Variants in CNTNAP1 observed in about 807,000 individuals in gnomAD.
CNTNAP1 encodes contactin associated protein 1, also known as contactin-associated protein 1.
CNTNAP1 carries 80 observed loss-of-function variants against 161.5 expected under a neutral mutation model. The ratio of observed to expected loss-of-function variants is 0.50; its 90% CI spans 0.41 to 0.60. The LOEUF (loss-of-function observed/expected upper bound fraction) is 0.60. CNTNAP1 is among the 20% of genes least tolerant of loss of function. The probability of loss-of-function intolerance (pLI) is 0.00; values close to 1 mark genes in which losing one functional copy is unlikely to be tolerated. For synonymous variants in CNTNAP1, 695 were observed against 733.1 expected (o/e 0.95, Z 0.84); for missense variants, 1,464 against 1,854.8 (o/e 0.79, Z 3.87).
intron 1 of CNTNAP1, chr17:42,683,416 G>T: frequency 9.1e-7 from 1 of 1,094,312 alleles, no homozygotes; most frequent in Non-Finnish European, 1.1e-6. Flanking sequence ...TGCAAGGCCT[G>T]TATTTGGGGA....
At chr17:42,695,092 A>T (rs2053135323) in intron 18 of CNTNAP1, among the ~76,000 whole-genome samples, 1 of 152,116 alleles carries the variant, frequency 6.6e-6, no homozygotes, top group African/African-American at 2.4e-5. Context: ...GATTACAGGC[A>T]TGCACTACCA....
intron 17 of CNTNAP1, 31 bp from the exon 18 acceptor site, chr17:42,693,266 C>T (rs199661001): frequency 2.3e-5 from 37 of 1,610,650 alleles, no homozygotes; most frequent in Admixed American, 5.0e-5. Flanking sequence ...GCCCTGCCTC[C>T]ATTTCTTGAC....
In CNTNAP1 at chr17:42,684,977, C is replaced by T; in HGVS notation, c.364-14C>T. Reference sequence around the variant, plus strand: ...AGGGCAGGACGTGGTTACTACTCTCCTCCACCCCCGCAGACCTTCTTTGGT... The same window carrying T: ...AGGGCAGGACGTGGTTACTACTCTCTTCCACCCCCGCAGACCTTCTTTGGT... On this transcript the variant is annotated splice_polypyrimidine_tract_variant and intron_variant, in intron 3 of 23. Coordinates refer to ENST00000264638, the MANE Select transcript of CNTNAP1 (RefSeq NM_003632.3). The T allele has an allele frequency of 1.2e-6, 2 of 1,607,444 alleles. No individual in the cohort carries two copies. The highest frequency in any genetic ancestry group is 1.7e-6 in the Non-Finnish European group (2 of 1,178,612).
chr17:42,693,650 C>A, intron 18 of CNTNAP1, 114 bp downstream of exon 18: 1 of 1,455,152 alleles, frequency 6.9e-7, no homozygotes, highest in Non-Finnish European at 9.3e-7. Context: ...AGAGTTGTCC[C>A]TGGATTCCTG....
At chr17:42,690,363 C>T (rs535328905) in intron 12 of CNTNAP1, among the ~76,000 whole-genome samples, 156 bp downstream of exon 12, 1 of 151,860 alleles carries the variant, frequency 6.6e-6, no homozygotes, top group South Asian at 2.1e-4. Flanking sequence ...AAGTAAATCC[C>T]AAGCCAGGCG....
At position 42,687,587 on chromosome 17, in the gene CNTNAP1, T is replaced by G; in HGVS notation, c.1045-133T>G. 8.3e-7 allele frequency: 1 copy of G among 1,203,016 alleles called. No individual in the cohort carries two copies. The highest frequency in any genetic ancestry group is 1.2e-6 in the Non-Finnish European group (1 of 847,152). 74.5% of individuals were successfully genotyped at this position (1,203,016 alleles called of 1,614,324 possible). On this transcript the variant is annotated intron_variant, in intron 7 of 23. Coordinates refer to ENST00000264638, the MANE Select transcript of CNTNAP1 (RefSeq NM_003632.3). This position sits in a 1 kb window ranked among gnomAD's most constrained non-coding sequence, Gnocchi z 4.7. Reference sequence around the variant, plus strand: ...GCTTGGAGGGGAAGAGGTCACGTCATGGTTGGAGATCTCACCCCCGCCAAC... The same window carrying G: ...GCTTGGAGGGGAAGAGGTCACGTCAGGGTTGGAGATCTCACCCCCGCCAAC...
At position 42,696,047 on chromosome 17, in the gene CNTNAP1, G is replaced by T; in HGVS notation, c.3369G>T (p.Gln1123His). 6.2e-7 allele frequency: 1 copy of T among 1,614,136 alleles called. No individual in the cohort carries two copies. ...KDDGTLQLRY[Q>H]LGTSPYVYQL... ...CAGGGACCCTTCAGCTGCGATATCA[G>T]CTGGGCACCAGTCCCTACGTGTACC... The change falls in exon 20 of 24, where the codon CAG becomes CAT. Residue 1123 changes from glutamine to histidine, a missense_variant. Physicochemically the swap from Gln to His is conservative, Grantham distance 24. Transcript: ENST00000264638.
chr17:42,687,090 C>A lies in CNTNAP1; in HGVS notation c.1044+44C>A. ...CTGGGAGGACAGGATATCAAAGCGT[C>A]GTGGAAAGCAAAGAGGTGGAGCGGG... On this transcript the variant is annotated intron_variant, in intron 7 of 23. Transcript: ENST00000264638. The surrounding 1 kb of genome is among the most constrained non-coding windows in gnomAD (Gnocchi z 4.7). 6.3e-7 allele frequency: 1 copy of A among 1,589,036 alleles called. No individual in the cohort carries two copies. Among genetic ancestry groups the A allele is most frequent in the South Asian group, 1.1e-5 (1 of 90,176 alleles).
chr17:42,688,046 A>AGGCCTGGACTGAGGCCTT, intron 8 of CNTNAP1, 65 bp downstream of exon 8: 1 of 1,562,806 alleles, frequency 6.4e-7, no homozygotes, highest in Non-Finnish European at 8.6e-7. Flanking sequence ...GGAAAGTTGT[A>AGGCCTGGACTGAGGCCTT]GGCCTGGACT....
chr17:42,690,748 C>A lies in CNTNAP1; in HGVS notation c.1865C>A (p.Ala622Glu), dbSNP rs762805981. Residue 622 changes from alanine to glutamate, a missense_variant, in exon 13 of 24, where the codon GCG (alanine) becomes GAG (glutamate). Around this residue, in one of 3 missense-constraint regions of CNTNAP1, gnomAD observed 1,383 missense variants for 1,765.0 expected, o/e 0.78. Coordinates refer to ENST00000264638, the MANE Select transcript of CNTNAP1 (RefSeq NM_003632.3). The stretch of plus-strand genomic sequence containing the variant: ...CCCTCTTGTCTGCCAGAGAACCGAG[C>A]GTGGACAGTTGTGCGGCATGACAGG... ...VVYCDIRENR[A>E]WTVVRHDRLW... 2 of 1,613,878 alleles carry A rather than the reference C, an allele frequency of 1.2e-6. No homozygotes were observed. Among genetic ancestry groups the A allele is most frequent in the Non-Finnish European group, 1.7e-6 (2 of 1,179,922 alleles).
At chr17:42,688,094 G>A (rs886814570) in intron 8 of CNTNAP1, 113 bp downstream of exon 8, 2 of 1,455,968 alleles carry the variant, frequency 1.4e-6, no homozygotes, top group Admixed American at 2.4e-5. Flanking sequence ...AGGAGTGAAG[G>A]GGGCAGGGCA....
intron 6 of CNTNAP1, among the ~76,000 whole-genome samples, chr17:42,686,481 T>TG (rs1409916027): frequency 0.035 from 3,295 of 93,922 alleles, 174 homozygotes; most frequent in African/African-American, 0.1. Context: ...TTTTTTTTTT[T>TG]TTTTTTTTTT....
Position 42,685,639 on chromosome 17 carries a change from T to TGA in CNTNAP1, c.715+220_715+221dup, listed in dbSNP as rs2052996384. Reference sequence around the variant, plus strand: ...TCAGCTCTACCACTACACAGAGATGTGACCTCGGATGGGGCACTTCCGAGC... The same window carrying TGA: ...TCAGCTCTACCACTACACAGAGATGTGAGACCTCGGATGGGGCACTTCCGAGC... On this transcript the variant is annotated intron_variant, in intron 5 of 23. Transcript: ENST00000264638. This position sits in a 1 kb window ranked among gnomAD's most constrained non-coding sequence, Gnocchi z 5.0. Among the ~76,000 whole-genome samples the TGA allele has an allele frequency of 6.6e-6, 1 of 152,248 alleles. No individual in the cohort carries two copies. Among genetic ancestry groups the TGA allele is most frequent in the South Asian group, 2.1e-4 (1 of 4,836 alleles).
intron 1 of CNTNAP1, 196 bp downstream of exon 1, chr17:42,683,092 G>C (rs2052958536): frequency 1.6e-6 from 1 of 634,584 alleles, no homozygotes; most frequent in African/African-American, 1.9e-5. Flanking sequence ...CCGGGGCTGG[G>C]GCTGGGCTCT....
At chr17:42,693,017 C>T (rs1222548187) in intron 17 of CNTNAP1, among the ~76,000 whole-genome samples, 1 of 149,078 alleles carries the variant, frequency 6.7e-6, no homozygotes, top group African/African-American at 2.5e-5. Flanking sequence ...AGTGCAGTGG[C>T]ACGATCTCGG....
chr17:42,687,627 G>A lies in CNTNAP1; in HGVS notation c.1045-93G>A. On this transcript the variant is annotated intron_variant, in intron 7 of 23. Coordinates refer to ENST00000264638, the MANE Select transcript of CNTNAP1 (RefSeq NM_003632.3). The surrounding 1 kb of genome is among the most constrained non-coding windows in gnomAD (Gnocchi z 4.7). ...CCCCCGCCAACACCGAAGGAGGGCG[G>A]TGACCAGGGTCTTAGACCGGTGTGA... is the stretch of plus-strand genomic sequence containing the variant. 2.7e-6 allele frequency: 4 copies of A among 1,493,186 alleles called. No individual in the cohort carries two copies. Among genetic ancestry groups the A allele is most frequent in the Non-Finnish European group, 2.7e-6 (3 of 1,099,686 alleles). The allele number at this position is 1,493,186 out of a possible 1,614,324, so 92.5% of individuals were successfully genotyped here. A position where few individuals can be genotyped will look rare whatever the true frequency, so the allele number is the denominator to read the frequency against.
chr17:42,694,984 A>T (rs544994353), intron 18 of CNTNAP1, among the ~76,000 whole-genome samples: 66 of 152,060 alleles, frequency 4.3e-4, no homozygotes, highest in African/African-American at 1.5e-3. Flanking sequence ...TATCCCCATC[A>T]CCCAGGCTGG....
intron 3 of CNTNAP1, 50 bp from the exon 4 acceptor site, chr17:42,684,941 A>T (rs763041123): frequency 1.2e-5 from 19 of 1,590,498 alleles, no homozygotes; most frequent in Admixed American, 9.0e-5. Flanking sequence ...TAAAATAAAA[A>T]AAAGAAGCAG....
chr17:42,690,742 A>G lies in CNTNAP1; in HGVS notation c.1859A>G (p.Asn620Ser), dbSNP rs758918681. ...TCTGTCCCCTCTTGTCTGCCAGAGA[A>G]CCGAGCGTGGACAGTTGTGCGGCAT... ...PFVVYCDIRE[N>S]RAWTVVRHDR... The change falls in exon 13 of 24, where the codon AAC becomes AGC. Residue 620 changes from asparagine (N) to serine (S), a missense_variant. By Grantham distance (46) the Asn-to-Ser change is conservative. Around this residue, in one of 3 missense-constraint regions of CNTNAP1, gnomAD observed 1,383 missense variants for 1,765.0 expected, o/e 0.78. Coordinates refer to ENST00000264638, the MANE Select transcript of CNTNAP1 (RefSeq NM_003632.3). 7.4e-6 allele frequency: 12 copies of G among 1,613,702 alleles called. No homozygotes were observed. The East Asian group carries it at 1.8e-4, about 24-fold the overall frequency.
Sources: allele counts gnomAD v4.1 joint callset (sites outside exome capture counted in the v4.1 genomes callset), GRCh38; gene constraint gnomAD v4.1.1; regional missense constraint gnomAD v4.1.1; non-coding constraint Gnocchi (gnomAD v3.1); transcripts MANE v1.5; gene names NCBI Gene and HGNC (gene_info 2026-07-23, HGNC 2026-07-21).